BLVRA: variants seen among roughly 807,000 people sequenced by gnomAD.
BLVRA encodes the protein BVR A.
BLVRA carries 22 observed loss-of-function variants against 32.8 expected under a neutral mutation model. The observed-to-expected ratio is 0.67, with a 90% confidence interval of 0.48 to 0.96. BLVRA has a LOEUF of 0.96. Ranked by LOEUF, BLVRA falls within the 40% of genes least tolerant of loss-of-function variation. The pLI, the probability that BLVRA is intolerant of heterozygous loss-of-function variation, is 0.00. For missense variants in BLVRA, 323 were observed against 358.1 expected (o/e 0.90, Z 0.79); for synonymous variants, 119 against 141.3 (o/e 0.84, Z 1.12).
At chr7:43,760,374 T>C (rs889455000) in intron 1 of BLVRA, among the ~76,000 whole-genome samples, 6 of 152,170 alleles carry the variant, frequency 3.9e-5, no homozygotes, top group African/African-American at 1.2e-4. Context: ...ATACTCAAAA[T>C]TGCACTGACT....
intron 2 of BLVRA, among the ~76,000 whole-genome samples, chr7:43,779,642 C>T (rs1341198846): frequency 2.0e-5 from 3 of 152,138 alleles, no homozygotes. Flanking sequence ...TCTGAAGGCC[C>T]CTGTGGCTCA....
At chr7:43,788,211 TG>T (rs936568343) in intron 3 of BLVRA, among the ~76,000 whole-genome samples, 186 bp downstream of exon 3, 4 of 152,174 alleles carry the variant, frequency 2.6e-5, no homozygotes, top group African/African-American at 9.7e-5. Flanking sequence ...TTGCTGGGCC[TG>T]CAGCTGGGAT....
At chr7:43,770,696 A>G (rs1337701381) in intron 1 of BLVRA, among the ~76,000 whole-genome samples, 1 of 152,086 alleles carries the variant, frequency 6.6e-6, no homozygotes, top group Non-Finnish European at 1.5e-5. Context: ...TTCTTTGAAC[A>G]TACTAAATTG....
At chr7:43,769,077 G>C (rs747689415) in intron 1 of BLVRA, among the ~76,000 whole-genome samples, 3 of 152,090 alleles carry the variant, frequency 2.0e-5, no homozygotes, top group Non-Finnish European at 2.9e-5. Flanking sequence ...CTCTAGGCTG[G>C]AGTGCAGTGG....
chr7:43,782,855 A>G (rs1311652753), intron 2 of BLVRA, among the ~76,000 whole-genome samples: 1 of 152,206 alleles, frequency 6.6e-6, no homozygotes, highest in Non-Finnish European at 1.5e-5. Context: ...TGTGGCTGAG[A>G]AGAAGCCCTT....
intron 4 of BLVRA, 60 bp downstream of exon 4, chr7:43,791,428 G>A (rs2132580190): frequency 1.9e-6 from 3 of 1,599,344 alleles, no homozygotes; most frequent in East Asian, 2.2e-5. Context: ...GCAAAAATGA[G>A]CAAGCAAGCT....
chr7:43,787,801 C>T lies in BLVRA; in HGVS notation c.13-103C>T. 2 of 1,580,202 alleles carry T rather than the reference C, an allele frequency of 1.3e-6. No homozygotes were observed. Among genetic ancestry groups the T allele is most frequent in the African/African-American group, 1.3e-5 (1 of 74,146 alleles). On this transcript the variant is annotated intron_variant, in intron 2 of 7. Coordinates refer to ENST00000265523, the MANE Select transcript of BLVRA (RefSeq NM_000712.4). The surrounding 1 kb of genome is among the most constrained non-coding windows in gnomAD (Gnocchi z 4.5). ...TGGCTTCCTGTGTGTTTTGGGCTGG[C>T]TTCCATCTTGCTCGTCGGGACCCTG... is the stretch of plus-strand genomic sequence containing the variant.
chr7:43,807,244 G>A lies in BLVRA; in HGVS notation c.*9G>A, dbSNP rs372064260. ...GCTGTTCAAGGAAGTAAGAGGAGGA[G>A]GTGATGTAGCACTTCCAAGATGGCA... On this transcript the variant is annotated 3_prime_UTR_variant, in exon 8 of 8. Coordinates refer to ENST00000265523, the MANE Select transcript of BLVRA (RefSeq NM_000712.4). 3 of 1,602,340 alleles carry A rather than the reference G, an allele frequency of 1.9e-6. No homozygotes were observed. In the African/African-American group the frequency reaches 4.0e-5, roughly 21 times the overall value.
At chr7:43,781,966 G>A (rs1024105594) in intron 2 of BLVRA, among the ~76,000 whole-genome samples, 1 of 152,124 alleles carries the variant, frequency 6.6e-6, no homozygotes, top group African/African-American at 2.4e-5. Context: ...CCTTTGTACT[G>A]CACAAACAGT....
Position 43,800,525 on chromosome 7 carries a change from A to C in BLVRA, c.413A>C (p.Lys138Thr). 1 of 1,614,084 alleles carries C rather than the reference A, an allele frequency of 6.2e-7. No individual in the cohort carries two copies. The highest frequency in any genetic ancestry group is 8.5e-7 in the Non-Finnish European group (1 of 1,179,946). ...LLMEEFAFLK[K>T]EVVGKDLLKG... ...ATGGAGGAATTCGCTTTCCTGAAAAAAGAAGTGGTGGGGAAAGACCTGCTG... is the reference window on the plus strand; with the variant it reads ...ATGGAGGAATTCGCTTTCCTGAAAACAGAAGTGGTGGGGAAAGACCTGCTG... The change falls in exon 6 of 8, where the codon AAA becomes ACA. Residue 138 changes from lysine to threonine, a missense_variant. Physicochemically the swap from Lys to Thr is moderately conservative, Grantham distance 78. Coordinates refer to ENST00000265523, the MANE Select transcript of BLVRA (RefSeq NM_000712.4).
At chr7:43,792,444 A>G (rs566370708) in intron 4 of BLVRA, among the ~76,000 whole-genome samples, 20 of 152,350 alleles carry the variant, frequency 1.3e-4, no homozygotes, top group African/African-American at 4.6e-4. Flanking sequence ...CTCCACAGTA[A>G]TTGGTAAATA....
intron 5 of BLVRA, among the ~76,000 whole-genome samples, chr7:43,794,512 A>T (rs1314663459): frequency 1.3e-5 from 2 of 152,130 alleles, no homozygotes; most frequent in Non-Finnish European, 2.9e-5. Context: ...AGGCAAGCAG[A>T]TCATTTGAGG....
chr7:43,797,186 C>G (rs962761474), intron 5 of BLVRA, among the ~76,000 whole-genome samples: 1 of 152,220 alleles, frequency 6.6e-6, no homozygotes, highest in Non-Finnish European at 1.5e-5. Flanking sequence ...CTCCTGGGTT[C>G]AAGTGATTCT....
intron 1 of BLVRA, 60 bp from the exon 2 acceptor site, chr7:43,771,078 T>A: frequency 2.7e-6 from 4 of 1,478,408 alleles, no homozygotes; most frequent in Non-Finnish European, 3.8e-6. Flanking sequence ...AAGGGGAATG[T>A]TTGCCTGGAG....
chr7:43,784,455 T>C lies in BLVRA; in HGVS notation c.13-3449T>C, dbSNP rs916535372. On this transcript the variant is annotated intron_variant, in intron 2 of 7. Transcript: ENST00000265523. ...GTCTAGCCATCTCTGATTTGCAGTT[T>C]CCCTTCAGAACGCACCTTCAAGATC... Among the ~76,000 whole-genome samples, 8 of 152,304 alleles carry C rather than the reference T, an allele frequency of 5.3e-5. No individual in the cohort carries two copies. The South Asian group carries it at 1.0e-3, about 20-fold the overall frequency.
At chr7:43,791,183 G>A (rs891490900) in intron 3 of BLVRA, 66 bp from the exon 4 acceptor site, 67 of 1,606,410 alleles carry the variant, frequency 4.2e-5, no homozygotes, top group Non-Finnish European at 5.1e-5. Flanking sequence ...CGGGAGGAGG[G>A]GAGAAGGATG....
intron 2 of BLVRA, among the ~76,000 whole-genome samples, chr7:43,782,836 C>A (rs2095771661): frequency 6.6e-6 from 1 of 152,072 alleles, no homozygotes; most frequent in African/African-American, 2.4e-5. Flanking sequence ...TGTCTGAAGT[C>A]CAGGAGGATG....
intron 3 of BLVRA, among the ~76,000 whole-genome samples, chr7:43,790,592 A>T (rs975089499): frequency 2.0e-5 from 3 of 152,190 alleles, no homozygotes; most frequent in African/African-American, 7.2e-5. Context: ...TTTGGTAGTC[A>T]CAATGTTTGG....
Position 43,803,672 on chromosome 7 carries a change from A to G in BLVRA, c.461-4A>G. ...GTTCCCACAGCATTTGTGATTTCCCACAGCTGGCCCGTTGGAAGAAGAGCG... is the reference window on the plus strand; with the variant it reads ...GTTCCCACAGCATTTGTGATTTCCCGCAGCTGGCCCGTTGGAAGAAGAGCG... On this transcript the variant is annotated splice_region_variant and splice_polypyrimidine_tract_variant and intron_variant, in intron 6 of 7. Transcript: ENST00000265523. The G allele has an allele frequency of 6.4e-7, 1 of 1,574,762 alleles. No individual in the cohort carries two copies. The highest frequency in any genetic ancestry group is 1.7e-4 in the Middle Eastern group (1 of 5,876).
Sources: allele counts gnomAD v4.1 joint callset (sites outside exome capture counted in the v4.1 genomes callset), GRCh38; gene constraint gnomAD v4.1.1; non-coding constraint Gnocchi (gnomAD v3.1); transcripts MANE v1.5; gene names NCBI Gene and HGNC (gene_info 2026-07-23, HGNC 2026-07-21).